PRKAR2B: variants seen among roughly 807,000 people sequenced by gnomAD.
The protein encoded by PRKAR2B is protein kinase cAMP-dependent type II regulatory subunit beta, also known as cAMP-dependent protein kinase type II-beta regulatory subunit.
Under a neutral mutation model 49.9 loss-of-function variants are expected in PRKAR2B, and 14 were observed. That is an observed-to-expected ratio of 0.28 (90% CI 0.19 to 0.44). The LOEUF is 0.44. Ranked by LOEUF, PRKAR2B falls within the 20% of genes least tolerant of loss-of-function variation. The probability of loss-of-function intolerance (pLI) is 1.00; values close to 1 mark genes in which losing one functional copy is unlikely to be tolerated. For missense variants in PRKAR2B, 393 were observed against 537.9 expected (o/e 0.73, Z 2.67); for synonymous variants, 196 against 197.7 (o/e 0.99, Z 0.07).
At chr7:107,126,651 T>G (rs1795501875) in intron 3 of PRKAR2B, among the ~76,000 whole-genome samples, 1 of 152,132 alleles carries the variant, frequency 6.6e-6, no homozygotes, top group Admixed American at 6.5e-5. Flanking sequence ...GACATCTCGG[T>G]TGCTTTGGTT....
rs1384454368 is a variant in PRKAR2B at position 107,161,322 on chromosome 7, C to G, written c.*1740C>G. 4.6e-5 allele frequency: 7 copies of G among 152,460 alleles called. No individual in the cohort carries two copies. Among genetic ancestry groups the G allele is most frequent in the Non-Finnish European group, 1.0e-4 (7 of 67,994 alleles). The allele number at this position is 152,460 out of a possible 1,614,324, so 9.4% of individuals were successfully genotyped here. A position where few individuals can be genotyped will look rare whatever the true frequency, so the allele number is the denominator to read the frequency against. The stretch of plus-strand genomic sequence containing the variant: ...GATTCCTGGTTCATCATTCTGTATT[C>G]TTACTCACTTTTTCAAGTTATCTAT... On this transcript the variant is annotated 3_prime_UTR_variant, in exon 11 of 11. Transcript: ENST00000265717.
chr7:107,092,380 C>G (rs1328251970), intron 2 of PRKAR2B, among the ~76,000 whole-genome samples: 1 of 151,614 alleles, frequency 6.6e-6, no homozygotes, highest in Non-Finnish European at 1.5e-5. Flanking sequence ...TATAGTCCTA[C>G]CTATTCCTTT....
chr7:107,100,253 A>G (rs1369797845), intron 2 of PRKAR2B, among the ~76,000 whole-genome samples: 1 of 152,150 alleles, frequency 6.6e-6, no homozygotes, highest in Admixed American at 6.5e-5. Context: ...GTCCTCATTA[A>G]AAGATAGTTT....
intron 2 of PRKAR2B, among the ~76,000 whole-genome samples, chr7:107,082,255 C>A (rs933966591): frequency 1.3e-5 from 2 of 152,102 alleles, no homozygotes; most frequent in Admixed American, 6.5e-5. Context: ...CAATTTACTT[C>A]TGAATTCTGT....
At chr7:107,049,595 T>G (rs1793761392) in intron 1 of PRKAR2B, among the ~76,000 whole-genome samples, 2 of 152,178 alleles carry the variant, frequency 1.3e-5, no homozygotes, top group South Asian at 4.1e-4. Flanking sequence ...ATCATTGATA[T>G]AAAATCTTAC....
chr7:107,156,530 G>C (rs1796092495), intron 8 of PRKAR2B, among the ~76,000 whole-genome samples: 2 of 152,142 alleles, frequency 1.3e-5, no homozygotes, highest in African/African-American at 4.8e-5. Context: ...TTAGGGCCGG[G>C]CTCGGTGGCT....
At chr7:107,159,423 T>TA (rs752370386) in intron 10 of PRKAR2B, 26 bp from the exon 11 acceptor site, 179 of 1,604,288 alleles carry the variant, frequency 1.1e-4, no homozygotes, top group Admixed American at 2.4e-4. Flanking sequence ...GAATGTTATT[T>TA]AAAAAAAAAT....
At chr7:107,056,404 G>A (rs1316411069) in intron 1 of PRKAR2B, among the ~76,000 whole-genome samples, 2 of 152,150 alleles carry the variant, frequency 1.3e-5, no homozygotes, top group African/African-American at 4.8e-5. Flanking sequence ...AATTACCTTG[G>A]GCAGTATGGC....
At chr7:107,121,892 C>A in intron 2 of PRKAR2B, 60 bp from the exon 3 acceptor site, 1 of 1,042,370 alleles carries the variant, frequency 9.6e-7, no homozygotes, top group South Asian at 1.5e-5. Context: ...TAACGATGTA[C>A]TCATTGTAGT....
intron 2 of PRKAR2B, among the ~76,000 whole-genome samples, chr7:107,115,407 A>G (rs1036843720): frequency 1.3e-5 from 2 of 152,180 alleles, no homozygotes; most frequent in Non-Finnish European, 2.9e-5. Context: ...TAAAAGATAT[A>G]TTTATATTGC....
At chr7:107,146,535 A>C in intron 6 of PRKAR2B, 74 bp downstream of exon 6, 1 of 1,474,266 alleles carries the variant, frequency 6.8e-7, no homozygotes, top group Non-Finnish European at 9.2e-7. Context: ...AAATTGCCGC[A>C]TGTAGTATTT....
At chr7:107,071,576 C>T (rs547495219) in intron 2 of PRKAR2B, among the ~76,000 whole-genome samples, 3 of 152,100 alleles carry the variant, frequency 2.0e-5, no homozygotes, top group Non-Finnish European at 4.4e-5. Context: ...GTGTAGTAGT[C>T]CTTTATGAGC....
rs995554853 is a variant in PRKAR2B at position 107,159,864 on chromosome 7, A to C, written c.*282A>C. ...TTATTAAAATGATTGTAATATATAG[A>C]AAGTATCTGTGTTTAAGAAGATAAT... On this transcript the variant is annotated 3_prime_UTR_variant, in exon 11 of 11. Transcript: ENST00000265717. 3.3e-6 allele frequency: 1 copy of C among 299,026 alleles called. No homozygotes were observed. The highest frequency in any genetic ancestry group is 6.2e-6 in the Non-Finnish European group (1 of 161,054). 18.5% of individuals were successfully genotyped at this position (299,026 alleles called of 1,614,324 possible). A position where few individuals can be genotyped will look rare whatever the true frequency, so the allele number is the denominator to read the frequency against.
Position 107,044,946 on chromosome 7 carries a change from G to T in PRKAR2B, c.39G>T (p.Leu13=), listed in dbSNP as rs1187018538. 5.0e-6 allele frequency: 8 copies of T among 1,598,774 alleles called. No homozygotes were observed. In the East Asian group the frequency reaches 1.6e-4, roughly 32 times the overall value. ...IEIPAGLTEL[L]QGFTVEVLRH... ...TCCCGGCGGGACTGACGGAGCTGCTGCAGGGCTTCACGGTGGAGGTGCTGA... is the reference window on the plus strand; with the variant it reads ...TCCCGGCGGGACTGACGGAGCTGCTTCAGGGCTTCACGGTGGAGGTGCTGA... The change falls in exon 1 of 11, where the codon CTG becomes CTT. Residue 13 remains leucine (L), a synonymous_variant. Coordinates refer to ENST00000265717, the MANE Select transcript of PRKAR2B (RefSeq NM_002736.3).
At chr7:107,110,466 A>C (rs1795150492) in intron 2 of PRKAR2B, among the ~76,000 whole-genome samples, 1 of 151,520 alleles carries the variant, frequency 6.6e-6, no homozygotes, top group Admixed American at 6.6e-5. Flanking sequence ...CCTTTCCACA[A>C]CCCCAGGCTT....
chr7:107,116,100 G>C (rs1322081715), intron 2 of PRKAR2B, among the ~76,000 whole-genome samples: 1 of 152,188 alleles, frequency 6.6e-6, no homozygotes, highest in Non-Finnish European at 1.5e-5. Flanking sequence ...TATGCAGTAT[G>C]CAATTTCTTT....
chr7:107,073,210 T>A (rs183017101), intron 2 of PRKAR2B, among the ~76,000 whole-genome samples: 34 of 152,340 alleles, frequency 2.2e-4, no homozygotes, highest in Admixed American at 1.8e-3. Context: ...TGGATACCTT[T>A]TTCTTTTGTT....
chr7:107,058,237 G>T (rs11979435), intron 1 of PRKAR2B, among the ~76,000 whole-genome samples: 9,529 of 152,142 alleles, frequency 0.063, 441 homozygotes, highest in African/African-American at 0.12. Context: ...GGAACCTGTA[G>T]GTAGAAGTAT....
At chr7:107,131,525 C>T (rs977814417) in intron 4 of PRKAR2B, among the ~76,000 whole-genome samples, 1 of 152,094 alleles carries the variant, frequency 6.6e-6, no homozygotes, top group Admixed American at 6.5e-5. Context: ...TAAAAACCAA[C>T]ACATAGAGGG....
Sources: allele counts gnomAD v4.1 joint callset (sites outside exome capture counted in the v4.1 genomes callset), GRCh38; gene constraint gnomAD v4.1.1; transcripts MANE v1.5; gene names NCBI Gene and HGNC (gene_info 2026-07-23, HGNC 2026-07-21).